RGS13: variants seen among roughly 807,000 people sequenced by gnomAD.
RGS13 encodes the protein regulator of G protein signaling 13, also known as regulator of G-protein signalling 13.
A neutral mutation model predicts 19.9 loss-of-function variants in RGS13; 14 were observed. The observed-to-expected ratio is 0.70, with a 90% CI of 0.46 to 1.10. The LOEUF (loss-of-function observed/expected upper bound fraction) is 1.10. Among genes scored for constraint, RGS13 ranks in the 50% least tolerant of loss-of-function variants. The pLI, the probability that RGS13 is intolerant of heterozygous loss-of-function variation, is 0.00. For synonymous variants in RGS13, 60 were observed against 56.8 expected (o/e 1.06, Z -0.25); for missense variants, 205 against 187.1 (o/e 1.10, Z -0.56).
In RGS13 at chr1:192,647,969, A is replaced by C; in HGVS notation, c.109A>C (p.Asn37His). 6.2e-6 allele frequency: 10 copies of C among 1,600,004 alleles called. No individual in the cohort carries two copies. Among genetic ancestry groups the C allele is most frequent in the Non-Finnish European group, 8.5e-6 (10 of 1,172,074 alleles). Reference protein sequence around the residue: ...EVLQWAQSFENLMATKYGPVV... With the variant: ...EVLQWAQSFEHLMATKYGPVV... ...ATTACAGTGGGCCCAGTCTTTTGAAAATTTAATGGCTACAAAATGTGAGTA... is the reference window on the plus strand; with the variant it reads ...ATTACAGTGGGCCCAGTCTTTTGAACATTTAATGGCTACAAAATGTGAGTA... The change falls in exon 5 of 7, where the codon AAT (asparagine) becomes CAT (histidine). Residue 37 changes from asparagine to histidine, a missense_variant. Asn to His is a moderately conservative substitution (Grantham distance 68). Transcript: ENST00000391995.
chr1:192,656,375 GTT>G (rs1225628828), intron 5 of RGS13, among the ~76,000 whole-genome samples: 9 of 149,428 alleles, frequency 6.0e-5, no homozygotes, highest in African/African-American at 2.0e-4. Flanking sequence ...TCATTTGTTT[GTT>G]TGTTTTTTGG....
intron 4 of RGS13, 147 bp from the exon 5 acceptor site, chr1:192,647,779 C>G: frequency 2.6e-6 from 1 of 382,736 alleles, no homozygotes. Context: ...TAAAATATCA[C>G]AGGAAAATAA....
chr1:192,651,727 GT>G lies in RGS13; in HGVS notation c.127+3742del, dbSNP rs139228952. ...GAGGAATACAGATGGAAGTACTCTG[GT>G]TATTTCTGGAGAGAAGACGGTGAAT... is the stretch of plus-strand genomic sequence containing the variant. On this transcript the variant is annotated intron_variant, in intron 5 of 6. Transcript: ENST00000391995. Among the ~76,000 whole-genome samples, 1,099 of 152,178 alleles carry G rather than the reference GT, an allele frequency of 7.2e-3. 40 individuals carry two copies. Among genetic ancestry groups the G allele is most frequent in the Admixed American group, 0.057 (867 of 15,252 alleles).
At chr1:192,641,254 AAAAGAAAG>A (rs771323101) in intron 3 of RGS13, among the ~76,000 whole-genome samples, 1,444 of 67,394 alleles carry the variant, frequency 0.021, 20 homozygotes, top group Admixed American at 0.044. Context: ...GAAAAGAAAG[AAAAGAAAG>A]AAAGAAAGAA....
At chr1:192,657,460 T>C (rs1216038379) in intron 5 of RGS13, among the ~76,000 whole-genome samples, 1 of 152,116 alleles carries the variant, frequency 6.6e-6, no homozygotes, top group East Asian at 1.9e-4. Context: ...TGGCTTATCC[T>C]TATCTAAGCA....
chr1:192,658,377 T>C lies in RGS13; in HGVS notation c.294+10T>C. 6.2e-7 allele frequency: 1 copy of C among 1,604,436 alleles called. No individual in the cohort carries two copies. The highest frequency in any genetic ancestry group is 1.7e-4 in the Middle Eastern group (1 of 5,986). On this transcript the variant is annotated intron_variant, in intron 6 of 6. Coordinates refer to ENST00000391995, the MANE Select transcript of RGS13 (RefSeq NM_002927.5). ...ACAGTCCCCTAGAGAGGTAACTACCTGACAATGACAGGAATGGAAATCAGT... is the reference window on the plus strand; with the variant it reads ...ACAGTCCCCTAGAGAGGTAACTACCCGACAATGACAGGAATGGAAATCAGT...
At chr1:192,652,290 G>A (rs1022660889) in intron 5 of RGS13, among the ~76,000 whole-genome samples, 1 of 152,070 alleles carries the variant, frequency 6.6e-6, no homozygotes, top group African/African-American at 2.4e-5. Context: ...GGCAGTAGAA[G>A]TTACTGATGG....
At position 192,648,392 on chromosome 1, in the gene RGS13, T is replaced by C. The variant is rs539080621; in HGVS notation, c.127+405T>C. On this transcript the variant is annotated intron_variant, in intron 5 of 6. Coordinates refer to ENST00000391995, the MANE Select transcript of RGS13 (RefSeq NM_002927.5). ...CCAAAGTTTGTTTCAACTTTTTCAG[T>C]GTCTGATTTAAGTGGGACTATACAT... Among the ~76,000 whole-genome samples, 34 of 152,304 alleles carry C rather than the reference T, an allele frequency of 2.2e-4. 2 individuals carry two copies. In the South Asian group the frequency reaches 6.8e-3, roughly 31 times the overall value.
At chr1:192,641,183 GAAAGAAAAA>G (rs1292788692) in intron 3 of RGS13, among the ~76,000 whole-genome samples, 5 of 120,928 alleles carry the variant, frequency 4.1e-5, no homozygotes, top group African/African-American at 6.5e-5. Flanking sequence ...AGAAAGAAAA[GAAAGAAAAA>G]AAAGAAAAAA....
rs1309789098 is a variant in RGS13, at chr1:192,659,330, CT to C, written c.295-4del. 6.2e-7 allele frequency: 1 copy of C among 1,603,916 alleles called. No homozygotes were observed. The highest frequency in any genetic ancestry group is 8.5e-7 in the Non-Finnish European group (1 of 1,175,452). The stretch of plus-strand genomic sequence containing the variant: ...ACTTAATGCTGTACATGTAATTTCA[CT>C]TTTCAGATTAACATTGACAGTTCGA... On this transcript the variant is annotated splice_region_variant and splice_polypyrimidine_tract_variant and intron_variant, in intron 6 of 6. Coordinates refer to ENST00000391995, the MANE Select transcript of RGS13 (RefSeq NM_002927.5).
intron 3 of RGS13, among the ~76,000 whole-genome samples, chr1:192,639,219 C>A (rs1663062989): frequency 6.6e-6 from 1 of 152,108 alleles, no homozygotes; most frequent in Non-Finnish European, 1.5e-5. Context: ...TCAGCCTTGT[C>A]TCTCCTTTTG....
chr1:192,652,118 T>A (rs1005651069), intron 5 of RGS13, among the ~76,000 whole-genome samples: 4 of 152,100 alleles, frequency 2.6e-5, no homozygotes, highest in African/African-American at 9.7e-5. Flanking sequence ...AATGTACTAT[T>A]TTCCACCCTT....
At chr1:192,641,260 A>C (rs1459293574) in intron 3 of RGS13, among the ~76,000 whole-genome samples, 7 of 105,938 alleles carry the variant, frequency 6.6e-5, no homozygotes, top group African/African-American at 2.1e-4. Context: ...AAAGAAAAGA[A>C]AGAAAGAAAG....
intron 3 of RGS13, among the ~76,000 whole-genome samples, chr1:192,643,634 T>C (rs1207024465): frequency 6.6e-6 from 1 of 152,284 alleles, no homozygotes; most frequent in South Asian, 2.1e-4. Flanking sequence ...TCTTTTTTAA[T>C]ACATTGAGAG....
chr1:192,639,251 G>A (rs757380487), intron 3 of RGS13, among the ~76,000 whole-genome samples: 2 of 152,150 alleles, frequency 1.3e-5, no homozygotes, highest in African/African-American at 4.8e-5. Flanking sequence ...TCCATAGAGA[G>A]AACAACCTGA....
At chr1:192,658,876 G>A (rs910519618) in intron 6 of RGS13, 1 of 159,710 alleles carries the variant, frequency 6.3e-6, no homozygotes, top group Non-Finnish European at 1.4e-5. Flanking sequence ...TATTGAAATA[G>A]CCACTTCTCC....
rs1314671254 is a variant in RGS13 at position 192,642,700 on chromosome 1, C to A, written c.-4-1631C>A. On this transcript the variant is annotated intron_variant, in intron 3 of 6. Coordinates refer to ENST00000391995, the MANE Select transcript of RGS13 (RefSeq NM_002927.5). ...CTTTGCTCAAGTTGCCCCTCCTTCA[C>A]TCAGCACACTCGTGGATATCCTGCT... Among the ~76,000 whole-genome samples, 96 of 152,170 alleles carry A rather than the reference C, an allele frequency of 6.3e-4. 1 individual carries two copies. The highest frequency in any genetic ancestry group is 3.7e-3 in the Admixed American group (56 of 15,268).
intron 5 of RGS13, among the ~76,000 whole-genome samples, chr1:192,652,110 T>G (rs1663350574): frequency 6.6e-6 from 1 of 152,088 alleles, no homozygotes; most frequent in African/African-American, 2.4e-5. Context: ...CATCTTTGAA[T>G]GTACTATTTT....
At chr1:192,653,723 C>T (rs1038405544) in intron 5 of RGS13, among the ~76,000 whole-genome samples, 9 of 151,878 alleles carry the variant, frequency 5.9e-5, no homozygotes, top group Non-Finnish European at 1.2e-4. Flanking sequence ...TATTATAATG[C>T]CCATAGGATC....
Sources: allele counts gnomAD v4.1 joint callset (sites outside exome capture counted in the v4.1 genomes callset), GRCh38; gene constraint gnomAD v4.1.1; transcripts MANE v1.5; gene names NCBI Gene and HGNC (gene_info 2026-07-23, HGNC 2026-07-21).